Variants in SRPK2 observed in about 807,000 individuals in gnomAD.
SRPK2 encodes SFRS protein kinase 2.
A neutral mutation model predicts 90.8 loss-of-function variants in SRPK2; 21 were observed. That is an observed-to-expected ratio of 0.23 (90% CI 0.16 to 0.33). The LOEUF is 0.33. Ranked by LOEUF, SRPK2 falls within the 10% of genes least tolerant of loss-of-function variation. SRPK2 has a pLI of 1.00. For synonymous variants in SRPK2, 288 were observed against 311.1 expected, an observed-to-expected ratio of 0.93 and a Z score of 0.78; for missense variants, 620 against 869.0, an observed-to-expected ratio of 0.71 and a Z score of 3.60.
chr7:105,223,693 C>T (rs1239740155), intron 2 of SRPK2, among the ~76,000 whole-genome samples: 1 of 152,234 alleles, frequency 6.6e-6, no homozygotes, highest in Non-Finnish European at 1.5e-5. Context: ...AAAATTTCCA[C>T]ATACATCTCT....
At chr7:105,393,570 GTCACTATTTTT>G (rs71795737), upstream of SRPK2, among the ~76,000 whole-genome samples, 28,098 of 141,228 alleles carry the variant, frequency 0.2, 3,330 homozygotes, top group East Asian at 0.59. Flanking sequence ...AAAAATTACT[GTCACTATTTTT>G]TTGTTGTTTT....
At chr7:105,304,779 A>AT (rs1305456366) in intron 2 of SRPK2, among the ~76,000 whole-genome samples, 77 of 152,310 alleles carry the variant, frequency 5.1e-4, no homozygotes, top group African/African-American at 1.5e-3. Flanking sequence ...CAGATGATAT[A>AT]TAGACAATCC....
intron 2 of SRPK2, among the ~76,000 whole-genome samples, chr7:105,385,047 T>C (rs1821380651): frequency 6.6e-6 from 1 of 150,640 alleles, no homozygotes. Context: ...TAATTTTTTA[T>C]ATTTTTAGTA....
At chr7:105,301,144 T>C (rs1810497517) in intron 2 of SRPK2, among the ~76,000 whole-genome samples, 1 of 151,990 alleles carries the variant, frequency 6.6e-6, no homozygotes, top group South Asian at 2.1e-4. Flanking sequence ...TAGACTGGAT[T>C]AAGAAAATGT....
Position 105,221,145 on chromosome 7 carries a change from T to A in SRPK2, c.72-17360A>T, listed in dbSNP as rs768897366. Reference sequence around the variant, plus strand: ...ATATTCCTCAACTCACGATGAGGAATATCCAAAACACCCTTCATAAAGTTG... The same window carrying A: ...ATATTCCTCAACTCACGATGAGGAAAATCCAAAACACCCTTCATAAAGTTG... On this transcript the variant is annotated intron_variant, in intron 2 of 15. Coordinates refer to ENST00000393651, the MANE Select transcript of SRPK2 (RefSeq NM_182692.3). Among the ~76,000 whole-genome samples the A allele has an allele frequency of 2.6e-3, 392 of 152,328 alleles. 2 individuals are homozygous for A. Among genetic ancestry groups the A allele is most frequent in the Middle Eastern group, 0.01 (3 of 294 alleles).
intron 2 of SRPK2, chr7:105,301,907 A>G: frequency 6.2e-7 from 1 of 1,607,026 alleles, no homozygotes; most frequent in Non-Finnish European, 8.5e-7. Flanking sequence ...TATCATCTCA[A>G]TTGAAACTCC....
chr7:105,160,399 T>A (rs1408054151), intron 7 of SRPK2, 108 bp downstream of exon 7: 20 of 626,520 alleles, frequency 3.2e-5, no homozygotes, highest in Non-Finnish European at 4.7e-5. Context: ...ATATATACAT[T>A]ATGCACTGAT....
chr7:105,186,906 G>A (rs1308411675), intron 3 of SRPK2, among the ~76,000 whole-genome samples: 2 of 152,120 alleles, frequency 1.3e-5, no homozygotes, highest in Non-Finnish European at 2.9e-5. Flanking sequence ...GCTCCATAAG[G>A]CTGTCCTAGT....
Position 105,124,773 on chromosome 7 carries a change from G to C in SRPK2, c.1915+1475C>G, listed in dbSNP as rs1800927544. On this transcript the variant is annotated intron_variant, in intron 15 of 15. Coordinates refer to ENST00000393651, the MANE Select transcript of SRPK2 (RefSeq NM_182692.3). ...TCAACTTTAAAAGTTCTTTATTAAGGGCTGTCACATCCAAAAAAAAAATCT... is the reference window on the plus strand; with the variant it reads ...TCAACTTTAAAAGTTCTTTATTAAGCGCTGTCACATCCAAAAAAAAAATCT... Among the ~76,000 whole-genome samples the C allele has an allele frequency of 2.0e-5, 3 of 151,650 alleles. No homozygotes were observed. The South Asian group carries it at 6.2e-4, about 31-fold the overall frequency.
At chr7:105,211,401 A>T (rs1055988964) in intron 2 of SRPK2, among the ~76,000 whole-genome samples, 3 of 152,154 alleles carry the variant, frequency 2.0e-5, no homozygotes, top group Non-Finnish European at 4.4e-5. Flanking sequence ...GTAATTTATA[A>T]AGAAAAGAGA....
At chr7:105,337,684 A>G (rs972403290) in intron 2 of SRPK2, among the ~76,000 whole-genome samples, 1 of 152,114 alleles carries the variant, frequency 6.6e-6, no homozygotes, top group Non-Finnish European at 1.5e-5. Flanking sequence ...GCGATGGCAC[A>G]GTGAGACAGA....
chr7:105,388,955 CCCAG>C, upstream of SRPK2: 1 of 1,154,144 alleles, frequency 8.7e-7, no homozygotes, highest in Non-Finnish European at 1.1e-6. Context: ...CCAGCAGGGA[CCCAG>C]CAAGACCCGC....
At chr7:105,329,184 T>G (rs998196869) in intron 2 of SRPK2, among the ~76,000 whole-genome samples, 17 of 152,258 alleles carry the variant, frequency 1.1e-4, no homozygotes, top group South Asian at 6.2e-4. Context: ...TATTTCACCA[T>G]GTCACACTGC....
chr7:105,254,953 G>A (rs918086527), intron 2 of SRPK2, among the ~76,000 whole-genome samples: 16 of 151,772 alleles, frequency 1.1e-4, no homozygotes, highest in Admixed American at 1.1e-3. Flanking sequence ...GCCTCCCAAA[G>A]TGCTGGGATT....
chr7:105,383,419 ATTT>A (rs113732829), intron 2 of SRPK2, among the ~76,000 whole-genome samples: 1 of 131,548 alleles, frequency 7.6e-6, no homozygotes, highest in Non-Finnish European at 1.7e-5. Context: ...ACAAAACAGA[ATTT>A]TTTTTTTTTT....
At chr7:105,192,688 A>G (rs1794451746) in intron 3 of SRPK2, among the ~76,000 whole-genome samples, 1 of 152,030 alleles carries the variant, frequency 6.6e-6, no homozygotes, top group Admixed American at 6.6e-5. Flanking sequence ...TTCCCTTTTC[A>G]CTGCATCCAT....
At chr7:105,213,388 C>T (rs566266971) in intron 2 of SRPK2, among the ~76,000 whole-genome samples, 45 of 152,198 alleles carry the variant, frequency 3.0e-4, no homozygotes, top group Middle Eastern at 6.8e-3. Context: ...GTGATTGAAA[C>T]TGAAGCATAC....
intron 2 of SRPK2, among the ~76,000 whole-genome samples, chr7:105,358,927 CAGAGAGAG>C (rs57910582): frequency 1.3e-5 from 2 of 148,370 alleles, no homozygotes; most frequent in Admixed American, 6.7e-5. Context: ...GCTAAGAACA[CAGAGAGAG>C]AGAGAGAGAG....
intron 2 of SRPK2, among the ~76,000 whole-genome samples, chr7:105,364,729 G>C (rs1426654031): frequency 1.3e-5 from 2 of 152,066 alleles, no homozygotes; most frequent in East Asian, 1.9e-4. Context: ...AAGGCTCCCT[G>C]ATGTAGAAGC....
Sources: allele counts gnomAD v4.1 joint callset (sites outside exome capture counted in the v4.1 genomes callset), GRCh38; gene constraint gnomAD v4.1.1; transcripts MANE v1.5; gene names NCBI Gene and HGNC (gene_info 2026-07-23, HGNC 2026-07-21).